MARCHF1: variants seen among roughly 807,000 people sequenced by gnomAD.
MARCHF1 encodes E3 ubiquitin-protein ligase MARCHF1.
MARCHF1 carries 40 observed loss-of-function variants against 54.2 expected under a neutral mutation model. The ratio of observed to expected loss-of-function variants is 0.74; its 90% CI spans 0.57 to 0.96. The LOEUF (loss-of-function observed/expected upper bound fraction) is 0.96. MARCHF1 is among the 40% of genes least tolerant of loss of function. The pLI is 0.00. For missense variants in MARCHF1, 586 were observed against 656.5 expected, an observed-to-expected ratio of 0.89 and a Z score of 1.17; for synonymous variants, 236 against 236.3, an observed-to-expected ratio of 1.00 and a Z score of 0.01.
chr4:164,299,516 G>A (rs1734496056), intron 1 of MARCHF1, among the ~76,000 whole-genome samples: 1 of 152,074 alleles, frequency 6.6e-6, no homozygotes, highest in Non-Finnish European at 1.5e-5. Context: ...AAGTACATAA[G>A]GCATAATTTT....
chr4:164,241,956 A>G (rs1164936325), intron 1 of MARCHF1, among the ~76,000 whole-genome samples: 2 of 152,264 alleles, frequency 1.3e-5, no homozygotes, highest in East Asian at 3.9e-4. Context: ...ATTATATCCC[A>G]CACCTGGCTC....
At chr4:164,274,966 A>G (rs766143083) in intron 1 of MARCHF1, among the ~76,000 whole-genome samples, 9 of 151,064 alleles carry the variant, frequency 6.0e-5, no homozygotes, top group South Asian at 2.1e-4. Flanking sequence ...GTAAGCCACC[A>G]CGCCCGGCCA....
intron 2 of MARCHF1, among the ~76,000 whole-genome samples, chr4:164,108,040 G>T (rs1755745538): frequency 6.6e-6 from 1 of 151,920 alleles, no homozygotes; most frequent in Non-Finnish European, 1.5e-5. Flanking sequence ...CATAATCTTT[G>T]ATTTGTCCTA....
At chr4:163,907,953 A>T (rs780659941) in intron 3 of MARCHF1, among the ~76,000 whole-genome samples, 10 of 152,250 alleles carry the variant, frequency 6.6e-5, no homozygotes, top group South Asian at 2.1e-4. Context: ...GTTAGAATAT[A>T]TTATTGCACC....
intron 8 of MARCHF1, among the ~76,000 whole-genome samples, chr4:163,576,017 T>A (rs1001918254): frequency 6.6e-5 from 10 of 151,974 alleles, no homozygotes; most frequent in Non-Finnish European, 1.5e-4. Context: ...ATTTTTTGTA[T>A]GCTTTTTTTG....
At chr4:163,617,953 T>C (rs1197883606) in intron 5 of MARCHF1, among the ~76,000 whole-genome samples, 1 of 152,158 alleles carries the variant, frequency 6.6e-6, no homozygotes, top group Non-Finnish European at 1.5e-5. Flanking sequence ...AATGTATGTT[T>C]TACAATGGGA....
chr4:163,760,171 A>G (rs1019684898), intron 4 of MARCHF1, among the ~76,000 whole-genome samples: 1 of 152,134 alleles, frequency 6.6e-6, no homozygotes, highest in African/African-American at 2.4e-5. Context: ...TCTCCCTTCC[A>G]TCTTCACAGC....
intron 4 of MARCHF1, among the ~76,000 whole-genome samples, chr4:163,769,746 C>G (rs896072413): frequency 3.3e-5 from 5 of 152,262 alleles, no homozygotes; most frequent in Non-Finnish European, 7.4e-5. Context: ...CACTTAATTA[C>G]AAATGAGTAA....
chr4:164,101,140 C>T (rs935539206), intron 2 of MARCHF1, among the ~76,000 whole-genome samples: 13 of 152,190 alleles, frequency 8.5e-5, no homozygotes, highest in African/African-American at 3.1e-4. Flanking sequence ...TGATTGCTAG[C>T]ACGGCAGTCT....
At chr4:164,380,986 C>A (rs1731352327) in intron 1 of MARCHF1, among the ~76,000 whole-genome samples, 1 of 152,128 alleles carries the variant, frequency 6.6e-6, no homozygotes, top group Non-Finnish European at 1.5e-5. Context: ...TCATAGAGGT[C>A]CTAAAGTATC....
intron 1 of MARCHF1, among the ~76,000 whole-genome samples, chr4:164,252,074 G>A (rs1733145369): frequency 6.6e-6 from 1 of 152,046 alleles, no homozygotes; most frequent in African/African-American, 2.4e-5. Flanking sequence ...TTAAAAATCT[G>A]CCTACATATG....
At chr4:163,842,123 A>G (rs1202536123) in intron 4 of MARCHF1, among the ~76,000 whole-genome samples, 1 of 152,146 alleles carries the variant, frequency 6.6e-6, no homozygotes, top group African/African-American at 2.4e-5. Context: ...AGCCTAAAAA[A>G]GAGAATCTAT....
intron 3 of MARCHF1, among the ~76,000 whole-genome samples, chr4:163,953,561 A>T (rs1752175000): frequency 6.6e-6 from 1 of 152,124 alleles, no homozygotes; most frequent in Non-Finnish European, 1.5e-5. Context: ...AATATTATAG[A>T]TACAAGAAAT....
At chr4:163,535,102 C>T (rs1738484725) in intron 9 of MARCHF1, among the ~76,000 whole-genome samples, 1 of 152,008 alleles carries the variant, frequency 6.6e-6, no homozygotes, top group African/African-American at 2.4e-5. Context: ...ACTAGTTCCT[C>T]ATCTAAAGAT....
chr4:163,572,217 C>T (rs1215155375), intron 8 of MARCHF1, among the ~76,000 whole-genome samples: 1 of 152,072 alleles, frequency 6.6e-6, no homozygotes, highest in East Asian at 1.9e-4. Flanking sequence ...GCATCCTATC[C>T]TTCATCACTT....
In MARCHF1 at chr4:164,042,958, G is replaced by A. The variant is rs544295280; in HGVS notation, c.-247-54249C>T. ...TCTCGACTGTATTTCTCACATCCAG[G>A]GCATGCTAATGCAAGGAGGGGGCTC... is the stretch of plus-strand genomic sequence containing the variant. On this transcript the variant is annotated intron_variant, in intron 2 of 9. Transcript: ENST00000514618. Among the ~76,000 whole-genome samples, 76 of 152,208 alleles carry A rather than the reference G, an allele frequency of 5.0e-4. 1 individual carries two copies. The highest frequency in any genetic ancestry group is 3.4e-3 in the Middle Eastern group (1 of 294).
At chr4:163,727,557 G>T (rs1036227190) in intron 4 of MARCHF1, among the ~76,000 whole-genome samples, 1 of 151,890 alleles carries the variant, frequency 6.6e-6, no homozygotes, top group African/African-American at 2.4e-5. Context: ...TGCCCACCTC[G>T]GCCTCCCAAA....
At chr4:164,006,536 T>C (rs1753291950) in intron 2 of MARCHF1, among the ~76,000 whole-genome samples, 1 of 151,940 alleles carries the variant, frequency 6.6e-6, no homozygotes, top group Non-Finnish European at 1.5e-5. Context: ...GAGCTGAAAA[T>C]GTGCAAAAAG....
At chr4:163,586,001 G>T in intron 7 of MARCHF1, 72 bp from the exon 8 acceptor site, 1 of 1,360,518 alleles carries the variant, frequency 7.4e-7, no homozygotes, top group African/African-American at 1.5e-5. Context: ...TTCTGCCCTT[G>T]CTTATACTAG....
Sources: allele counts gnomAD v4.1 joint callset (sites outside exome capture counted in the v4.1 genomes callset), GRCh38; gene constraint gnomAD v4.1.1; transcripts MANE v1.5; gene names NCBI Gene and HGNC (gene_info 2026-07-23, HGNC 2026-07-21).